Variants in ME3 observed in about 807,000 individuals in gnomAD.
The protein encoded by ME3 is NADP-dependent malic enzyme, mitochondrial.
ME3 carries 48 observed loss-of-function variants against 68.9 expected under a neutral mutation model. That is an observed-to-expected ratio of 0.70 (90% CI 0.55 to 0.89). ME3 has a LOEUF of 0.89. Ranked by LOEUF, ME3 falls within the 40% of genes least tolerant of loss-of-function variation. The pLI is 0.00. For missense variants in ME3, 675 were observed against 797.4 expected (o/e 0.85, Z 1.85); for synonymous variants, 320 against 318.8 (o/e 1.00, Z -0.04).
intron 4 of ME3, among the ~76,000 whole-genome samples, chr11:86,537,361 T>G (rs994314448): frequency 1.3e-5 from 2 of 151,638 alleles, no homozygotes; most frequent in African/African-American, 4.8e-5. Context: ...ATATAATAAT[T>G]GCAAATTAAG....
intron 3 of ME3, among the ~76,000 whole-genome samples, chr11:86,558,047 CA>C (rs1436280914): frequency 1.3e-5 from 2 of 152,092 alleles, no homozygotes; most frequent in Non-Finnish European, 2.9e-5. Flanking sequence ...CAAGCAGCAT[CA>C]GGGGCAAGCC....
intron 2 of ME3, among the ~76,000 whole-genome samples, chr11:86,646,302 G>C (rs551514530): frequency 1.5e-4 from 23 of 152,306 alleles, no homozygotes; most frequent in African/African-American, 5.3e-4. Context: ...TAAGAACCTT[G>C]ATAAAAGGTT....
At chr11:86,608,767 T>C (rs912561090) in intron 2 of ME3, among the ~76,000 whole-genome samples, 1 of 152,230 alleles carries the variant, frequency 6.6e-6, no homozygotes, top group Non-Finnish European at 1.5e-5. Context: ...ATTGTGAATA[T>C]GCATTCATAT....
intron 6 of ME3, among the ~76,000 whole-genome samples, chr11:86,493,635 C>T (rs1952129638): frequency 6.6e-6 from 1 of 152,242 alleles, no homozygotes. Context: ...GAAGGCTGAG[C>T]AGGCGCTCCC....
intron 7 of ME3, among the ~76,000 whole-genome samples, chr11:86,481,041 T>TTTTTA (rs970564412): frequency 1.3e-5 from 2 of 152,114 alleles, no homozygotes; most frequent in Non-Finnish European, 2.9e-5. Context: ...TTAGTTTCTC[T>TTTTTA]TTTTATTTTA....
intron 2 of ME3, among the ~76,000 whole-genome samples, chr11:86,619,101 G>A (rs1364619911): frequency 2.0e-5 from 3 of 152,108 alleles, no homozygotes; most frequent in African/African-American, 7.2e-5. Context: ...CTCCCACTTT[G>A]CCTTCCACCA....
intron 2 of ME3, among the ~76,000 whole-genome samples, chr11:86,565,744 A>C (rs1957449555): frequency 6.6e-6 from 1 of 152,056 alleles, no homozygotes; most frequent in African/African-American, 2.4e-5. Context: ...TTATGTAAAT[A>C]TTTTTCCTAG....
intron 2 of ME3, among the ~76,000 whole-genome samples, chr11:86,670,591 CAATGTG>C (rs1374172741): frequency 6.6e-6 from 1 of 152,102 alleles, no homozygotes; most frequent in Non-Finnish European, 1.5e-5. Flanking sequence ...AGCAGGACTC[CAATGTG>C]ATAGAGGTTG....
At chr11:86,645,309 C>G (rs1944927987) in intron 2 of ME3, among the ~76,000 whole-genome samples, 1 of 152,228 alleles carries the variant, frequency 6.6e-6, no homozygotes, top group Non-Finnish European at 1.5e-5. Flanking sequence ...CTAAGATCCA[C>G]TGGCTTGAAA....
At chr11:86,645,398 G>A (rs745884085) in intron 2 of ME3, among the ~76,000 whole-genome samples, 20 of 152,116 alleles carry the variant, frequency 1.3e-4, no homozygotes, top group Admixed American at 6.5e-4. Flanking sequence ...CACCATTTCT[G>A]ATGCTTGAGT....
rs57349808 is a variant in ME3 at position 86,478,324 on chromosome 11, CAAAAAAAAAAAA to C, written c.809+9001_809+9012del. ...CCTCTGACAATGAAAGCCTAAGGAC[CAAAAAAAAAAAA>C]AAAAAAAAAAAAAGGTTAAAGAAAA... is the stretch of plus-strand genomic sequence containing the variant. On this transcript the variant is annotated intron_variant, in intron 7 of 14. Transcript: ENST00000543262. 1.6e-4 allele frequency among the ~76,000 whole-genome samples: 10 copies of C among 62,900 alleles called. No homozygotes were observed. The East Asian group carries it at 4.8e-3, about 30-fold the overall frequency. The allele number at this position is 62,900 out of a possible 152,430, so 41.3% of individuals were successfully genotyped here. A position where few individuals can be genotyped will look rare whatever the true frequency, so the allele number is the denominator to read the frequency against.
chr11:86,533,140 G>T (rs1955385368), intron 4 of ME3, among the ~76,000 whole-genome samples: 1 of 150,934 alleles, frequency 6.6e-6, no homozygotes, highest in Non-Finnish European at 1.5e-5. Flanking sequence ...GTTAGCATAA[G>T]AAAGGAAATA....
intron 2 of ME3, among the ~76,000 whole-genome samples, chr11:86,606,050 C>G (rs1961595011): frequency 6.6e-6 from 1 of 152,162 alleles, no homozygotes; most frequent in South Asian, 2.1e-4. Flanking sequence ...TCTGGGAGTT[C>G]ACCCTGTGTT....
chr11:86,450,090 T>G, intron 9 of ME3, 88 bp from the exon 10 acceptor site: 1 of 1,172,166 alleles, frequency 8.5e-7, no homozygotes, highest in Non-Finnish European at 1.2e-6. Flanking sequence ...GACCCCCTTT[T>G]CTTTCCCCCA....
At chr11:86,442,636 G>T (rs1949063247) in intron 14 of ME3, among the ~76,000 whole-genome samples, 185 bp downstream of exon 14, 1 of 151,876 alleles carries the variant, frequency 6.6e-6, no homozygotes, top group Non-Finnish European at 1.5e-5. Context: ...TGGCCTGGGT[G>T]GGTGTTTGGG....
At chr11:86,487,553 G>T (rs1043974157) in intron 6 of ME3, 113 bp from the exon 7 acceptor site, 12 of 796,716 alleles carry the variant, frequency 1.5e-5, no homozygotes, top group Admixed American at 4.6e-5. Context: ...GGAGAGGGGG[G>T]AGTAAGAAGG....
intron 8 of ME3, among the ~76,000 whole-genome samples, chr11:86,455,718 C>T (rs188351392): frequency 7.9e-5 from 12 of 152,290 alleles, no homozygotes; most frequent in Non-Finnish European, 1.6e-4. Context: ...GCAAGACATT[C>T]CTTGCTACCC....
chr11:86,652,438 T>G (rs564756933), intron 2 of ME3, among the ~76,000 whole-genome samples: 1 of 152,112 alleles, frequency 6.6e-6, no homozygotes, highest in Non-Finnish European at 1.5e-5. Context: ...GGGGTCAATA[T>G]TCAACATTCT....
In ME3 at chr11:86,449,881, G is replaced by A; in HGVS notation, c.1131+8C>T. Reference sequence around the variant, plus strand: ...CAGGAAACCTCCAGGTCTCCAGACTGACAGTACCTTGACAATGAGCCCTTT... The same window carrying A: ...CAGGAAACCTCCAGGTCTCCAGACTAACAGTACCTTGACAATGAGCCCTTT... On this transcript the variant is annotated splice_region_variant and intron_variant, in intron 10 of 14. Transcript: ENST00000543262. 1 of 1,606,932 alleles carries A rather than the reference G, an allele frequency of 6.2e-7. No homozygotes were observed. Among genetic ancestry groups the A allele is most frequent in the Non-Finnish European group, 8.5e-7 (1 of 1,174,756 alleles).
Sources: gnomAD v4.1 joint callset for allele counts (sites outside exome capture counted in the v4.1 genomes callset) on GRCh38, gnomAD v4.1.1 for gene constraint, MANE v1.5 for transcripts, NCBI Gene and HGNC (gene_info 2026-07-23, HGNC 2026-07-21) for gene names.